PACRG: variants seen among roughly 807,000 people sequenced by gnomAD.
PACRG encodes the protein parkin coregulated gene protein.
PACRG carries 29 observed loss-of-function variants against 29.7 expected under a neutral mutation model. That is an observed-to-expected ratio of 0.98 (90% confidence interval 0.73 to 1.33). The LOEUF (loss-of-function observed/expected upper bound fraction) is 1.33. PACRG is among the 40% of genes most tolerant of loss of function. The pLI is 0.00. For missense variants in PACRG, 279 were observed against 316.2 expected, an observed-to-expected ratio of 0.88 and a Z score of 0.89; for synonymous variants, 116 against 118.7, an observed-to-expected ratio of 0.98 and a Z score of 0.15.
intron 2 of PACRG, among the ~76,000 whole-genome samples, chr6:162,985,287 A>G (rs1802790707): frequency 6.6e-6 from 1 of 152,082 alleles, no homozygotes; most frequent in East Asian, 1.9e-4. Context: ...CCTGATGAAC[A>G]TAGACACGAA....
chr6:163,147,445 C>T lies in PACRG; in HGVS notation c.613+58037C>T, dbSNP rs900375538. ...CAACTTAAAGATGAATGAACTGAGA[C>T]TCAGAGGCTGGGTTGCCATCCCAGT... is the stretch of plus-strand genomic sequence containing the variant. On this transcript the variant is annotated intron_variant, in intron 4 of 4. Transcript: ENST00000366888. 4.6e-5 allele frequency among the ~76,000 whole-genome samples: 7 copies of T among 152,270 alleles called. No individual in the cohort carries two copies. The South Asian group carries it at 1.2e-3, about 27-fold the overall frequency.
chr6:163,182,612 A>G (rs1248540082), intron 4 of PACRG: 2 of 152,260 alleles, frequency 1.3e-5, no homozygotes, highest in African/African-American at 4.8e-5. Context: ...AAAGTATTTC[A>G]TTAACAAAAT....
At chr6:162,748,268 A>G (rs1270776096) in intron 1 of PACRG, among the ~76,000 whole-genome samples, 4 of 152,172 alleles carry the variant, frequency 2.6e-5, no homozygotes, top group East Asian at 1.9e-4. Flanking sequence ...AGGCAGGCAG[A>G]TCACCTGAGG....
chr6:163,138,671 C>A (rs1473558312), intron 4 of PACRG, among the ~76,000 whole-genome samples: 1 of 152,222 alleles, frequency 6.6e-6, no homozygotes, highest in Non-Finnish European at 1.5e-5. Context: ...CCACTGCTCA[C>A]CTCCTGCTAT....
At chr6:163,293,179 A>G (rs1476115467) in intron 4 of PACRG, among the ~76,000 whole-genome samples, 2 of 152,226 alleles carry the variant, frequency 1.3e-5, no homozygotes, top group Non-Finnish European at 2.9e-5. Flanking sequence ...AACGACACCT[A>G]GGTCATCAAC....
chr6:162,922,272 G>GT (rs1337520818), intron 2 of PACRG, among the ~76,000 whole-genome samples: 4 of 147,666 alleles, frequency 2.7e-5, no homozygotes, highest in Non-Finnish European at 4.5e-5. Context: ...TAGCATGCCT[G>GT]TTTCTGGTGG....
intron 2 of PACRG, among the ~76,000 whole-genome samples, chr6:162,979,373 G>A (rs574998228): frequency 6.6e-6 from 1 of 152,198 alleles, no homozygotes; most frequent in East Asian, 1.9e-4. Context: ...TTCTTTATTG[G>A]ATTATTTTTC....
chr6:163,095,199 G>A, intron 4 of PACRG: 1 of 944,394 alleles, frequency 1.1e-6, no homozygotes, highest in Non-Finnish European at 1.3e-6. Context: ...TGCTTATGAG[G>A]TTAAATGCCT....
intron 1 of PACRG, among the ~76,000 whole-genome samples, chr6:162,808,550 C>T (rs7761529): frequency 0.072 from 10,936 of 152,140 alleles, 524 homozygotes; most frequent in East Asian, 0.29. Context: ...GTTTTGTGAC[C>T]ATATGATGGA....
chr6:162,947,621 T>TATATAATC (rs1554313384), intron 2 of PACRG, among the ~76,000 whole-genome samples: 11 of 47,934 alleles, frequency 2.3e-4, no homozygotes, highest in African/African-American at 8.7e-4. Context: ...CATATATATA[T>TATATAATC]ATATATATAT....
intron 3 of PACRG, among the ~76,000 whole-genome samples, chr6:163,080,668 CCAAA>C (rs1056969438): frequency 5.3e-5 from 8 of 152,170 alleles, no homozygotes; most frequent in Non-Finnish European, 7.4e-5. Flanking sequence ...GAGAGAATGG[CCAAA>C]CACTTTCAAC....
intron 2 of PACRG, among the ~76,000 whole-genome samples, chr6:162,901,784 G>C (rs1337436114): frequency 6.6e-6 from 1 of 152,082 alleles, no homozygotes; most frequent in African/African-American, 2.4e-5. Flanking sequence ...CATTCCTAGC[G>C]GGTAAAGATG....
chr6:163,022,017 A>AC (rs1806674727), intron 2 of PACRG, among the ~76,000 whole-genome samples: 1 of 152,134 alleles, frequency 6.6e-6, no homozygotes. Context: ...CCGACCACGG[A>AC]CCCCCTGCTG....
At chr6:163,177,564 G>A (rs917051004) in intron 4 of PACRG, among the ~76,000 whole-genome samples, 1 of 152,094 alleles carries the variant, frequency 6.6e-6, no homozygotes, top group African/African-American at 2.4e-5. Context: ...TGCTCCACAA[G>A]TTACAGGAGG....
intron 4 of PACRG, among the ~76,000 whole-genome samples, chr6:163,261,799 T>C (rs1270913255): frequency 6.6e-6 from 1 of 152,170 alleles, no homozygotes; most frequent in African/African-American, 2.4e-5. Context: ...GTGTTAGATA[T>C]GATAAGTAAT....
chr6:163,008,373 C>G (rs1805316802), intron 2 of PACRG, among the ~76,000 whole-genome samples: 1 of 152,046 alleles, frequency 6.6e-6, no homozygotes, highest in Non-Finnish European at 1.5e-5. Flanking sequence ...CTAATTGACT[C>G]TGAATTTGTA....
chr6:162,929,431 A>T (rs547918140), intron 2 of PACRG, among the ~76,000 whole-genome samples: 3 of 151,690 alleles, frequency 2.0e-5, no homozygotes, highest in African/African-American at 7.2e-5. Flanking sequence ...AAATTGTATT[A>T]TTTACTTTTT....
intron 4 of PACRG, among the ~76,000 whole-genome samples, chr6:163,195,544 G>C (rs1044740298): frequency 6.6e-6 from 1 of 152,088 alleles, no homozygotes; most frequent in South Asian, 2.1e-4. Flanking sequence ...CTTTTCCAGC[G>C]GCGAAATCGT....
intron 2 of PACRG, among the ~76,000 whole-genome samples, chr6:162,918,009 C>G (rs1179426666): frequency 6.6e-5 from 10 of 152,100 alleles, no homozygotes; most frequent in African/African-American, 2.4e-4. Context: ...AATGACCAAC[C>G]TCTTCAGACA....
Sources: allele counts gnomAD v4.1 joint callset (sites outside exome capture counted in the v4.1 genomes callset), GRCh38; gene constraint gnomAD v4.1.1; transcripts MANE v1.5; gene names NCBI Gene and HGNC (gene_info 2026-07-23, HGNC 2026-07-21).